The following SHOX variants were observed in gnomAD, a reference collection of about 807,000 sequenced individuals.
SHOX encodes the protein short stature homeobox protein.
Under a neutral mutation model 29.6 loss-of-function variants are expected in SHOX, and 12 were observed. The observed-to-expected ratio is 0.41, with a 90% CI of 0.26 to 0.66. The LOEUF (loss-of-function observed/expected upper bound fraction) is 0.66, where lower values mean the gene tolerates loss of function less well. SHOX is among the 30% of genes least tolerant of loss of function. SHOX has a pLI of 0.35. For missense variants in SHOX, 499 were observed against 437.7 expected, an observed-to-expected ratio of 1.14 and a Z score of -1.25; for synonymous variants, 214 against 200.6, an observed-to-expected ratio of 1.07 and a Z score of -0.57.
chrX:636,215 AAC>A (rs1240439050), intron 2 of SHOX, among the ~76,000 whole-genome samples: 3 of 146,790 alleles, frequency 2.0e-5, no homozygotes, highest in African/African-American at 5.0e-5. Flanking sequence ...TAAATATATA[AAC>A]ACATATATAA....
At chrX:628,005 G>C (rs1055750085), upstream of SHOX, among the ~76,000 whole-genome samples, 42 of 138,396 alleles carry the variant, frequency 3.0e-4, no homozygotes, top group Non-Finnish European at 5.6e-4. Flanking sequence ...TGAGGACCCA[G>C]AAAGTTGCTC....
At chrX:630,707 A>C, upstream of SHOX, 1 of 682,808 alleles carries the variant, frequency 1.5e-6, no homozygotes, top group Non-Finnish European at 2.5e-6. Flanking sequence ...GAGCCCGGAG[A>C]CCAGTAATTG....
downstream of SHOX, among the ~76,000 whole-genome samples, chrX:652,854 T>C (rs922118371): frequency 1.4e-4 from 19 of 139,672 alleles, no homozygotes; most frequent in Non-Finnish European, 2.3e-4. Context: ...GTGCTTTTCA[T>C]GGCTGACCTC....
intron 2 of SHOX, among the ~76,000 whole-genome samples, chrX:636,442 T>C (rs1474778545): frequency 1.6e-5 from 2 of 126,660 alleles, no homozygotes; most frequent in Non-Finnish European, 3.1e-5. Flanking sequence ...TATAAACATA[T>C]ATACATATAA....
chrX:637,696 G>A (rs1322788628), intron 2 of SHOX, among the ~76,000 whole-genome samples: 1 of 152,100 alleles, frequency 6.6e-6, no homozygotes, highest in Admixed American at 6.5e-5. Flanking sequence ...CAACACCCAC[G>A]TCCCGCGTTG....
At chrX:655,604 CTCTCTCTCTCTATATATA>C (rs1254786870), downstream of SHOX, among the ~76,000 whole-genome samples, 469 of 37,672 alleles carry the variant, frequency 0.012, no homozygotes, top group Admixed American at 0.022. Context: ...CTCTCTCTCT[CTCTCTCTCTCTATATATA>C]TATATATATA....
rs2052640596 is a variant in SHOX, at chrX:631,115, A to G, written c.218A>G (p.Asp73Gly). The G allele has an allele frequency of 8.1e-6, 13 of 1,613,634 alleles. No individual in the cohort carries two copies. Among genetic ancestry groups the G allele is most frequent in the East Asian group, 2.2e-5 (1 of 44,864 alleles). ...GGHCPVHLFK[D>G]HVDNDKEKLK... ...CACTGCCCGGTGCATTTGTTCAAGG[A>G]CCACGTAGACAATGACAAGGAGAAA... Residue 73 changes from aspartate to glycine, a missense_variant, in exon 1 of 5, where the codon GAC (aspartate) becomes GGC (glycine). Physicochemically the swap from Asp to Gly is moderately conservative, Grantham distance 94. Coordinates refer to ENST00000686671, the MANE Select transcript of SHOX (RefSeq NM_000451.4).
At chrX:637,050 A>G (rs1423806217) in intron 2 of SHOX, among the ~76,000 whole-genome samples, 7 of 150,770 alleles carry the variant, frequency 4.6e-5, no homozygotes, top group Non-Finnish European at 8.8e-5. Flanking sequence ...GATTAAATCA[A>G]CCCTCCCCAG....
chrX:640,021 AC>A (rs1442931903), intron 2 of SHOX, among the ~76,000 whole-genome samples: 7 of 149,992 alleles, frequency 4.7e-5, no homozygotes, highest in Non-Finnish European at 8.9e-5. Context: ...TAAAACAAAA[AC>A]AAAACAAAAA....
upstream of SHOX, among the ~76,000 whole-genome samples, chrX:630,117 G>C (rs1351992200): frequency 6.6e-6 from 1 of 152,100 alleles, no homozygotes; most frequent in Non-Finnish European, 1.5e-5. Context: ...GGCGGCCCCG[G>C]GGATCCTCGG....
Position 640,091 on chromosome X carries a change from T to C in SHOX, c.487-730T>C, listed in dbSNP as rs191787524. Reference sequence around the variant, plus strand: ...CAGGTGCAGTGGCTCACGCCTGTCATCCCAGCACTTTGGGAGGCCCAGGAG... The same window carrying C: ...CAGGTGCAGTGGCTCACGCCTGTCACCCCAGCACTTTGGGAGGCCCAGGAG... On this transcript the variant is annotated intron_variant, in intron 2 of 4. Coordinates refer to ENST00000686671, the MANE Select transcript of SHOX (RefSeq NM_000451.4). 1.5e-4 allele frequency among the ~76,000 whole-genome samples: 22 copies of C among 151,350 alleles called. 2 individuals are homozygous for C. In the East Asian group the frequency reaches 4.3e-3, roughly 30 times the overall value.
Position 651,110 on chromosome X carries a change from T to A in SHOX, c.*6474T>A, listed in dbSNP as rs1314839977. ...ATGTATGTGCATTTGTTATTTATTT[T>A]TTTTTCCTTGGTCGGACGTTCATAA... On this transcript the variant is annotated 3_prime_UTR_variant, in exon 5 of 5. Transcript: ENST00000686671. 6 of 347,606 alleles carry A rather than the reference T, an allele frequency of 1.7e-5. No individual in the cohort carries two copies. Among genetic ancestry groups the A allele is most frequent in the South Asian group, 9.3e-5 (4 of 43,192 alleles). 21.5% of individuals were successfully genotyped at this position (347,606 alleles called of 1,614,324 possible). A position where few individuals can be genotyped will look rare whatever the true frequency, so the allele number is the denominator to read the frequency against.
At chrX:652,647 G>T (rs1309255932), downstream of SHOX, among the ~76,000 whole-genome samples, 1 of 152,132 alleles carries the variant, frequency 6.6e-6, no homozygotes, top group Non-Finnish European at 1.5e-5. Context: ...GCTGACTCCT[G>T]GTAGTTCCTG....
chrX:634,595 T>G (rs1202655395), intron 1 of SHOX, 23 bp from the exon 2 acceptor site: 1 of 1,611,782 alleles, frequency 6.2e-7, no homozygotes, highest in Non-Finnish European at 8.5e-7. Flanking sequence ...GCCTCAGCCC[T>G]GTGCCCTCCG....
chrX:650,298 C>G lies in SHOX; in HGVS notation c.*5662C>G, dbSNP rs1028537859. On this transcript the variant is annotated 3_prime_UTR_variant, in exon 5 of 5. Transcript: ENST00000686671. Reference sequence around the variant, plus strand: ...ACGGGAAGGAGGCCTTTGGGCCGCTCCAAAGACGCCCTGTCGTAGGAATGG... The same window carrying G: ...ACGGGAAGGAGGCCTTTGGGCCGCTGCAAAGACGCCCTGTCGTAGGAATGG... Among the ~76,000 whole-genome samples the G allele has an allele frequency of 3.3e-5, 5 of 151,890 alleles. No homozygotes were observed. The highest frequency in any genetic ancestry group is 1.2e-4 in the African/African-American group (5 of 41,366).
Position 644,775 on chromosome X carries a change from G to A in SHOX, c.*139G>A, listed in dbSNP as rs2052934416. The stretch of plus-strand genomic sequence containing the variant: ...GGCACCCCGGGAGCTCCTGCAAGAG[G>A]CCTGAGGAGGGAGGCTCCCGGGACC... On this transcript the variant is annotated 3_prime_UTR_variant, in exon 5 of 5. Transcript: ENST00000686671. The A allele has an allele frequency of 2.5e-6, 3 of 1,186,208 alleles. No homozygotes were observed. Among genetic ancestry groups the A allele is most frequent in the African/African-American group, 1.6e-5 (1 of 61,496 alleles). The allele number at this position is 1,186,208 out of a possible 1,614,324, so 73.5% of individuals were successfully genotyped here.
upstream of SHOX, chrX:630,639 G>A: frequency 1.7e-6 from 1 of 595,910 alleles, no homozygotes. Context: ...TGAGAAGAAA[G>A]CCAATTGCCG....
At chrX:629,007 C>A (rs189272676), upstream of SHOX, among the ~76,000 whole-genome samples, 1,317 of 4,548 alleles carry the variant, frequency 0.29, 263 homozygotes, top group Admixed American at 0.3. Flanking sequence ...GTGTTTCTCT[C>A]TCTCCATCTC....
chrX:649,868 A>T lies in SHOX; in HGVS notation c.*5232A>T. On this transcript the variant is annotated 3_prime_UTR_variant, in exon 5 of 5. Transcript: ENST00000686671. Reference sequence around the variant, plus strand: ...TGAGCAAAAAACACTTCTTCCTTTGAGTGGCTGTTCTGGTGAAATCTGTTT... The same window carrying T: ...TGAGCAAAAAACACTTCTTCCTTTGTGTGGCTGTTCTGGTGAAATCTGTTT... The T allele has an allele frequency of 2.2e-6, 1 of 455,410 alleles. No homozygotes were observed. Among genetic ancestry groups the T allele is most frequent in the Non-Finnish European group, 4.4e-6 (1 of 226,542 alleles). The allele number at this position is 455,410 out of a possible 1,614,324, so 28.2% of individuals were successfully genotyped here.
Sources: gnomAD v4.1 joint callset for allele counts (sites outside exome capture counted in the v4.1 genomes callset) on GRCh38, gnomAD v4.1.1 for gene constraint, MANE v1.5 for transcripts, NCBI Gene and HGNC (gene_info 2026-07-23, HGNC 2026-07-21) for gene names.